Variants in UIMC1 observed in about 807,000 individuals in gnomAD.
UIMC1 encodes BRCA1-A complex subunit RAP80.
In UIMC1, 42 loss-of-function variants were observed where a neutral mutation model predicts 84.9. The ratio of observed to expected loss-of-function variants is 0.49; its 90% confidence interval spans 0.39 to 0.64. UIMC1 has a LOEUF of 0.64. Among genes scored for constraint, UIMC1 ranks in the 30% least tolerant of loss-of-function variants. The pLI is 0.00. For synonymous variants in UIMC1, 281 were observed against 293.0 expected (o/e 0.96, Z 0.42); for missense variants, 825 against 847.6 (o/e 0.97, Z 0.33).
intron 3 of UIMC1, among the ~76,000 whole-genome samples, chr5:176,973,625 TG>T (rs1769607758): frequency 6.6e-6 from 1 of 151,040 alleles, no homozygotes; most frequent in Non-Finnish European, 1.5e-5. Context: ...AAAAAATAGC[TG>T]GGTGTAGTGA....
intron 2 of UIMC1, among the ~76,000 whole-genome samples, chr5:176,976,789 G>A (rs544087133): frequency 1.3e-5 from 2 of 152,250 alleles, no homozygotes; most frequent in Non-Finnish European, 2.9e-5. Context: ...AAAATGGAGA[G>A]TAACTGCTAA....
chr5:176,912,048 C>T (rs1259124047), intron 10 of UIMC1, among the ~76,000 whole-genome samples: 1 of 152,216 alleles, frequency 6.6e-6, no homozygotes, highest in Admixed American at 6.5e-5. Flanking sequence ...TCATTCCTTG[C>T]ATAACAAGAA....
chr5:176,979,562 C>T (rs1474203740), intron 2 of UIMC1, among the ~76,000 whole-genome samples: 1 of 150,942 alleles, frequency 6.6e-6, no homozygotes, highest in Non-Finnish European at 1.5e-5. Flanking sequence ...GAGATTGCAC[C>T]ACTACACTCC....
intron 6 of UIMC1, among the ~76,000 whole-genome samples, chr5:176,965,245 AC>A (rs1768102191): frequency 6.6e-6 from 1 of 151,852 alleles, no homozygotes; most frequent in Non-Finnish European, 1.5e-5. Flanking sequence ...CACGGTGAAA[AC>A]CCTTCTCTAT....
At position 176,943,491 on chromosome 5, in the gene UIMC1, G is replaced by C; in HGVS notation, c.1444-3C>G. ...TCAGCATCTTCCTTGTTACCAACCT[G>C]AAGAACATGACAAACAGCAATCATA... On this transcript the variant is annotated splice_region_variant and splice_polypyrimidine_tract_variant and intron_variant, in intron 9 of 14. Transcript: ENST00000511320. The C allele has an allele frequency of 6.2e-7, 1 of 1,613,624 alleles. No individual in the cohort carries two copies. Among genetic ancestry groups the C allele is most frequent in the Non-Finnish European group, 8.5e-7 (1 of 1,179,746 alleles).
chr5:177,006,098 C>A (rs898390560), intron 1 of UIMC1, among the ~76,000 whole-genome samples: 47 of 152,166 alleles, frequency 3.1e-4, no homozygotes, highest in African/African-American at 1.1e-3. Context: ...CCTGGCGCCC[C>A]GAGGCGTGAG....
intron 3 of UIMC1, among the ~76,000 whole-genome samples, chr5:176,971,834 G>A (rs1322699982): frequency 1.3e-5 from 2 of 151,942 alleles, no homozygotes; most frequent in South Asian, 2.1e-4. Flanking sequence ...ACTTGAACCC[G>A]GGAGGCGGAG....
At chr5:176,979,602 CAAA>C (rs76442320) in intron 2 of UIMC1, among the ~76,000 whole-genome samples, 3 of 106,120 alleles carry the variant, frequency 2.8e-5, no homozygotes, top group African/African-American at 7.1e-5. Flanking sequence ...GACTTCATCT[CAAA>C]AAAAAAAAAA....
chr5:176,935,921 C>T (rs1281916933), intron 10 of UIMC1, among the ~76,000 whole-genome samples: 14 of 152,176 alleles, frequency 9.2e-5, no homozygotes, highest in Admixed American at 9.2e-4. Context: ...AGAAAGTCCA[C>T]TCCTAGCAGT....
intron 10 of UIMC1, among the ~76,000 whole-genome samples, chr5:176,920,110 C>G (rs1359437151): frequency 6.6e-6 from 1 of 152,130 alleles, no homozygotes; most frequent in East Asian, 1.9e-4. Context: ...CAACCTCCGC[C>G]TCCTGGGTTC....
At chr5:176,923,576 A>C (rs1761973535) in intron 10 of UIMC1, among the ~76,000 whole-genome samples, 1 of 150,846 alleles carries the variant, frequency 6.6e-6, no homozygotes, top group Non-Finnish European at 1.5e-5. Flanking sequence ...GAAAGAAAGA[A>C]AATAAGGTCG....
chr5:176,972,010 T>G (rs1195748689), intron 3 of UIMC1, among the ~76,000 whole-genome samples: 1 of 152,230 alleles, frequency 6.6e-6, no homozygotes, highest in Non-Finnish European at 1.5e-5. Flanking sequence ...GAATCCACTA[T>G]TTGAAAACTG....
chr5:176,977,764 C>T (rs924791623), intron 2 of UIMC1, among the ~76,000 whole-genome samples: 9 of 151,272 alleles, frequency 5.9e-5, no homozygotes, highest in Admixed American at 2.0e-4. Context: ...ACAAAAATTG[C>T]GCAGGTGTGG....
intron 12 of UIMC1, among the ~76,000 whole-genome samples, chr5:176,908,248 T>A (rs1263654770): frequency 1.3e-5 from 2 of 152,170 alleles, no homozygotes; most frequent in African/African-American, 4.8e-5. Flanking sequence ...AATAGGCCAA[T>A]ACATTAAAGG....
intron 10 of UIMC1, among the ~76,000 whole-genome samples, chr5:176,917,358 G>A (rs897437568): frequency 3.3e-5 from 5 of 152,128 alleles, no homozygotes; most frequent in Admixed American, 6.5e-5. Context: ...GATCACTTGG[G>A]GTCAGGAGTT....
At chr5:176,916,025 T>C (rs1055926277) in intron 10 of UIMC1, among the ~76,000 whole-genome samples, 1 of 152,198 alleles carries the variant, frequency 6.6e-6, no homozygotes, top group Non-Finnish European at 1.5e-5. Flanking sequence ...TTCTATTAAA[T>C]GTTATGATCA....
Position 176,932,295 on chromosome 5 carries a change from T to C in UIMC1, c.1597+11040A>G, listed in dbSNP as rs191575687. Among the ~76,000 whole-genome samples, 192 of 152,354 alleles carry C rather than the reference T, an allele frequency of 1.3e-3. 1 individual carries two copies. The highest frequency in any genetic ancestry group is 9.6e-4 in the Non-Finnish European group (65 of 68,036). Reference sequence around the variant, plus strand: ...ACATCCTTCCTTAAATGTCTTTGCATTTTGTTTTATAAGCTGCTCCTGTCA... The same window carrying C: ...ACATCCTTCCTTAAATGTCTTTGCACTTTGTTTTATAAGCTGCTCCTGTCA... On this transcript the variant is annotated intron_variant, in intron 10 of 14. Transcript: ENST00000511320.
chr5:176,957,944 G>C (rs768891041), intron 7 of UIMC1, 149 bp downstream of exon 7: 101 of 544,390 alleles, frequency 1.9e-4, no homozygotes, highest in South Asian at 1.8e-3. Context: ...AGAACTTAGA[G>C]ATACTAATAA....
intron 3 of UIMC1, among the ~76,000 whole-genome samples, chr5:176,972,658 C>G (rs1292120622): frequency 6.6e-6 from 1 of 152,014 alleles, no homozygotes; most frequent in African/African-American, 2.4e-5. Flanking sequence ...ATCGCTTAAA[C>G]CCGGGAGGCG....
Sources: allele counts gnomAD v4.1 joint callset (sites outside exome capture counted in the v4.1 genomes callset), GRCh38; gene constraint gnomAD v4.1.1; transcripts MANE v1.5; gene names NCBI Gene and HGNC (gene_info 2026-07-23, HGNC 2026-07-21).